Variants in PTPN13 observed in about 807,000 individuals in gnomAD.
PTPN13 encodes the protein protein tyrosine phosphatase non-receptor type 13.
PTPN13 carries 191 observed loss-of-function variants against 284.0 expected under a neutral mutation model. The observed-to-expected ratio is 0.67, with a 90% CI of 0.60 to 0.76. The LOEUF is 0.76. Among genes scored for constraint, PTPN13 ranks in the 30% least tolerant of loss-of-function variants. The pLI, the probability that PTPN13 is intolerant of heterozygous loss-of-function variation, is 0.00. For synonymous variants in PTPN13, 986 were observed against 1,022.3 expected, an observed-to-expected ratio of 0.96 and a Z score of 0.68; for missense variants, 2,797 against 2,939.9, an observed-to-expected ratio of 0.95 and a Z score of 1.12.
intron 12 of PTPN13, among the ~76,000 whole-genome samples, chr4:86,734,048 G>A (rs992868581): frequency 4.6e-5 from 7 of 152,106 alleles, no homozygotes; most frequent in African/African-American, 9.7e-5. Flanking sequence ...AGTGTCATAC[G>A]GATAGTAAAT....
Position 86,764,640 on chromosome 4 carries a change from T to A in PTPN13, c.4065T>A (p.Thr1355=). The A allele has an allele frequency of 6.3e-7, 1 of 1,580,206 alleles. No homozygotes were observed. The highest frequency in any genetic ancestry group is 8.6e-7 in the Non-Finnish European group (1 of 1,163,380). Residue 1355 remains threonine (T), a synonymous_variant, in exon 25 of 48, where the codon ACT becomes ACA. Coordinates refer to ENST00000411767, the MANE Select transcript of PTPN13 (RefSeq NM_080683.3). ...CATCCAACAAGATGAATTTTAAAAC[T>A]TTTTCTTCATCACCTCCTAAGCCTG... ...VNTSNKMNFK[T]FSSSPPKPGD... is the part of the protein sequence containing the mutation.
In PTPN13 at chr4:86,790,866, G is replaced by A. The variant is rs112717842; in HGVS notation, c.6345+4930G>A. Among the ~76,000 whole-genome samples, 195 of 152,190 alleles carry A rather than the reference G, an allele frequency of 1.3e-3. 2 individuals carry two copies. The highest frequency in any genetic ancestry group is 4.5e-3 in the African/African-American group (185 of 41,504). ...GACCATTTAAGAATACAATTTGGGGGTGGTCACTTCCAAAATGACCGAATA... is the reference window on the plus strand; with the variant it reads ...GACCATTTAAGAATACAATTTGGGGATGGTCACTTCCAAAATGACCGAATA... On this transcript the variant is annotated intron_variant, in intron 40 of 47. Coordinates refer to ENST00000411767, the MANE Select transcript of PTPN13 (RefSeq NM_080683.3).
At position 86,605,179 on chromosome 4, in the gene PTPN13, A is replaced by G. The variant is rs184940014; in HGVS notation, c.-6+10390A>G. Among the ~76,000 whole-genome samples the G allele has an allele frequency of 1.8e-4, 28 of 152,066 alleles. No individual in the cohort carries two copies. The East Asian group carries it at 2.5e-3, about 14-fold the overall frequency. On this transcript the variant is annotated intron_variant, in intron 1 of 47. Transcript: ENST00000411767. ...GTGCCTAAGAAACTAGGAAAATGTTATGTTAAAGAAAGTGCCTTAGGAGAG... is the reference window on the plus strand; with the variant it reads ...GTGCCTAAGAAACTAGGAAAATGTTGTGTTAAAGAAAGTGCCTTAGGAGAG...
intron 2 of PTPN13, among the ~76,000 whole-genome samples, chr4:86,644,894 T>C (rs1344137885): frequency 6.6e-6 from 1 of 152,254 alleles, no homozygotes; most frequent in East Asian, 1.9e-4. Flanking sequence ...ACATCTAATA[T>C]CCATTTCAAT....
At chr4:86,724,904 G>A (rs1469329828) in intron 10 of PTPN13, among the ~76,000 whole-genome samples, 1 of 151,804 alleles carries the variant, frequency 6.6e-6, no homozygotes, top group African/African-American at 2.4e-5. Context: ...TGCCATGTTG[G>A]TTTGCTGCAC....
chr4:86,737,259 A>T (rs1461547237), intron 15 of PTPN13, among the ~76,000 whole-genome samples: 1 of 151,434 alleles, frequency 6.6e-6, no homozygotes, highest in Admixed American at 6.6e-5. Flanking sequence ...AATAAAATAT[A>T]AAATAAAATA....
intron 1 of PTPN13, among the ~76,000 whole-genome samples, chr4:86,603,251 T>G (rs1382157082): frequency 1.3e-5 from 2 of 152,166 alleles, no homozygotes; most frequent in East Asian, 3.8e-4. Flanking sequence ...GAAAAGAAGA[T>G]TCCAAAAATA....
At chr4:86,711,980 T>TA (rs1732474230) in intron 7 of PTPN13, among the ~76,000 whole-genome samples, 1 of 152,120 alleles carries the variant, frequency 6.6e-6, no homozygotes, top group Admixed American at 6.6e-5. Flanking sequence ...CTTTTTGGTT[T>TA]AAAAAAATAG....
At chr4:86,805,178 GC>G in intron 43 of PTPN13, 100 bp from the exon 44 acceptor site, 1 of 630,886 alleles carries the variant, frequency 1.6e-6, no homozygotes, top group East Asian at 2.9e-5. Flanking sequence ...CTCAGAATCA[GC>G]CTTAATCAAC....
Position 86,811,555 on chromosome 4 carries a change from G to A in PTPN13, c.7362+447G>A, listed in dbSNP as rs1745212272. Among the ~76,000 whole-genome samples, 3 of 152,290 alleles carry A rather than the reference G, an allele frequency of 2.0e-5. No homozygotes were observed. In the East Asian group the frequency reaches 5.8e-4, roughly 29 times the overall value. Reference sequence around the variant, plus strand: ...GGCTGGAGTTGCTTAGCTTCAAGAAGACATTCTGTAAGGAGTGTGAATACA... The same window carrying A: ...GGCTGGAGTTGCTTAGCTTCAAGAAAACATTCTGTAAGGAGTGTGAATACA... On this transcript the variant is annotated intron_variant, in intron 47 of 47. Coordinates refer to ENST00000411767, the MANE Select transcript of PTPN13 (RefSeq NM_080683.3).
intron 32 of PTPN13, 23 bp downstream of exon 32, chr4:86,772,981 A>T (rs1163352087): frequency 5.1e-6 from 7 of 1,371,028 alleles, no homozygotes; most frequent in African/African-American, 1.5e-5. Flanking sequence ...CTCTATATTT[A>T]AAAAAAAATC....
At chr4:86,748,801 G>A (rs540029571) in intron 17 of PTPN13, among the ~76,000 whole-genome samples, 91 of 151,966 alleles carry the variant, frequency 6.0e-4, no homozygotes, top group South Asian at 3.8e-3. Flanking sequence ...GACTACAGGC[G>A]CCTGCCACCA....
At chr4:86,714,684 T>C (rs1276177466) in intron 7 of PTPN13, among the ~76,000 whole-genome samples, 7 of 152,190 alleles carry the variant, frequency 4.6e-5, no homozygotes, top group African/African-American at 1.7e-4. Context: ...GTTCATGCAA[T>C]GAAAATAGTT....
intron 23 of PTPN13, among the ~76,000 whole-genome samples, chr4:86,759,754 A>AT (rs1207531027): frequency 1.3e-5 from 2 of 152,236 alleles, no homozygotes; most frequent in African/African-American, 4.8e-5. Context: ...CGTATATCAA[A>AT]TGGTGACTAT....
intron 23 of PTPN13, among the ~76,000 whole-genome samples, chr4:86,759,970 A>T (rs908241886): frequency 1.2e-4 from 19 of 152,196 alleles, no homozygotes; most frequent in African/African-American, 4.1e-4. Flanking sequence ...AGTAAAAAAA[A>T]TTAGCTGAAA....
At chr4:86,709,778 A>G (rs576923078) in intron 7 of PTPN13, among the ~76,000 whole-genome samples, 43 of 152,342 alleles carry the variant, frequency 2.8e-4, no homozygotes, top group African/African-American at 8.2e-4. Context: ...CTATGTGGCT[A>G]CTATATCACA....
intron 6 of PTPN13, among the ~76,000 whole-genome samples, chr4:86,699,393 A>G (rs975953079): frequency 2.0e-5 from 3 of 149,344 alleles, no homozygotes; most frequent in Non-Finnish European, 4.5e-5. Context: ...CCCCCCTCCA[A>G]AAAAAAAAAG....
chr4:86,740,188 G>A (rs1190854652), intron 15 of PTPN13, among the ~76,000 whole-genome samples: 3 of 152,210 alleles, frequency 2.0e-5, no homozygotes, highest in Non-Finnish European at 4.4e-5. Flanking sequence ...GCTCCAGTTG[G>A]CACTCTGTGT....
chr4:86,722,491 G>A, intron 10 of PTPN13, 57 bp downstream of exon 10: 3 of 1,443,562 alleles, frequency 2.1e-6, no homozygotes, highest in Non-Finnish European at 1.9e-6. Flanking sequence ...GGAACTCTTG[G>A]GCAAAGTACT....
Sources: allele counts gnomAD v4.1 joint callset (sites outside exome capture counted in the v4.1 genomes callset), GRCh38; gene constraint gnomAD v4.1.1; transcripts MANE v1.5; gene names NCBI Gene and HGNC (gene_info 2026-07-23, HGNC 2026-07-21).